The following SMCO4 variants were observed in gnomAD, a reference collection of about 807,000 sequenced individuals.
SMCO4 encodes single-pass membrane and coiled-coil domain-containing protein 4.
A neutral mutation model predicts 3.6 loss-of-function variants in SMCO4; 4 were observed. The ratio of observed to expected loss-of-function variants is 1.11; its 90% CI spans 0.54 to 2.53. The LOEUF is 2.53. Among genes scored for constraint, SMCO4 ranks in the 30% most tolerant of loss-of-function variants. The pLI, the probability that SMCO4 is intolerant of heterozygous loss-of-function variation, is 0.02. For missense variants in SMCO4, 70 were observed against 80.8 expected, an observed-to-expected ratio of 0.87 and a Z score of 0.51; for synonymous variants, 36 against 35.3, an observed-to-expected ratio of 1.02 and a Z score of -0.07.
intron 1 of SMCO4, among the ~76,000 whole-genome samples, chr11:93,499,736 G>A (rs1220409066): frequency 6.6e-6 from 1 of 152,186 alleles, no homozygotes; most frequent in East Asian, 1.9e-4. Context: ...TAAAAATGAA[G>A]GATACAGGTT....
intron 1 of SMCO4, among the ~76,000 whole-genome samples, chr11:93,532,470 A>G (rs959069472): frequency 7.2e-5 from 11 of 152,346 alleles, no homozygotes; most frequent in African/African-American, 2.6e-4. Context: ...TGAGGCTTTT[A>G]GACTTGGACG....
chr11:93,481,469 A>G lies in SMCO4; in HGVS notation c.-80-2200T>C, dbSNP rs1269937640. 9 of 985,436 alleles carry G rather than the reference A, an allele frequency of 9.1e-6. No homozygotes were observed. The East Asian group carries it at 5.7e-4, about 62-fold the overall frequency. 61.0% of individuals were successfully genotyped at this position (985,436 alleles called of 1,614,324 possible). On this transcript the variant is annotated intron_variant, in intron 2 of 2. Coordinates refer to ENST00000298966, the MANE Select transcript of SMCO4 (RefSeq NM_020179.3). ...TGGTGAGGATGGAGTAGGAAGCTGT[A>G]TAACTCAGGGCTTGGCACAGAGCGG...
chr11:93,519,856 A>G (rs1267543006), intron 1 of SMCO4, among the ~76,000 whole-genome samples: 1 of 152,168 alleles, frequency 6.6e-6, no homozygotes, highest in East Asian at 1.9e-4. Context: ...AATATCCCCT[A>G]TGTGTGAGGC....
chr11:93,497,108 T>G (rs926948047), intron 2 of SMCO4, among the ~76,000 whole-genome samples: 1 of 152,246 alleles, frequency 6.6e-6, no homozygotes, highest in Admixed American at 6.5e-5. Flanking sequence ...AGAAGCTGGT[T>G]TTTTATTATG....
chr11:93,517,666 T>C (rs1397400064), intron 1 of SMCO4, among the ~76,000 whole-genome samples: 2 of 152,184 alleles, frequency 1.3e-5, no homozygotes, highest in Non-Finnish European at 2.9e-5. Flanking sequence ...AAGCATTTTA[T>C]ATCCATTATC....
At chr11:93,484,449 T>C (rs969606626) in intron 2 of SMCO4, among the ~76,000 whole-genome samples, 1 of 152,296 alleles carries the variant, frequency 6.6e-6, no homozygotes, top group South Asian at 2.1e-4. Context: ...CTCTGCCCCA[T>C]CTGGTTAAAC....
At chr11:93,520,364 T>C (rs1189903552) in intron 1 of SMCO4, among the ~76,000 whole-genome samples, 1 of 152,166 alleles carries the variant, frequency 6.6e-6, no homozygotes, top group Non-Finnish European at 1.5e-5. Context: ...CATTGAGGGT[T>C]TTACATGTTA....
intron 1 of SMCO4, among the ~76,000 whole-genome samples, chr11:93,516,192 GA>G (rs1208230213): frequency 1.4e-4 from 21 of 152,062 alleles, no homozygotes; most frequent in African/African-American, 4.6e-4. Flanking sequence ...AAGAACACAG[GA>G]GACCAAGAAC....
At chr11:93,491,468 T>C (rs1948716893) in intron 2 of SMCO4, among the ~76,000 whole-genome samples, 1 of 152,212 alleles carries the variant, frequency 6.6e-6, no homozygotes. Context: ...TGGCTCTCAC[T>C]GATCCCTGAC....
chr11:93,508,945 T>C (rs1482815753), intron 1 of SMCO4, among the ~76,000 whole-genome samples: 1 of 152,066 alleles, frequency 6.6e-6, no homozygotes, highest in African/African-American at 2.4e-5. Flanking sequence ...AAAACTGGGT[T>C]ATACCAATTA....
intron 1 of SMCO4, among the ~76,000 whole-genome samples, chr11:93,512,473 T>C (rs1948966436): frequency 6.6e-6 from 1 of 152,198 alleles, no homozygotes; most frequent in Admixed American, 6.5e-5. Context: ...CAAAGCAGTT[T>C]CCAGTCCTGC....
At chr11:93,505,254 T>G (rs1414116230) in intron 1 of SMCO4, among the ~76,000 whole-genome samples, 2 of 152,232 alleles carry the variant, frequency 1.3e-5, no homozygotes, top group Admixed American at 1.3e-4. Flanking sequence ...GATTTAGCAC[T>G]GTCTACTTTC....
chr11:93,534,219 C>T (rs1470929792), intron 1 of SMCO4, among the ~76,000 whole-genome samples: 7 of 614 alleles, frequency 0.011, no homozygotes, highest in South Asian at 0.1. Flanking sequence ...TATATATACA[C>T]ACACACACAC....
chr11:93,517,298 T>C (rs1421203981), intron 1 of SMCO4, among the ~76,000 whole-genome samples: 2 of 152,156 alleles, frequency 1.3e-5, no homozygotes, highest in Admixed American at 6.5e-5. Context: ...ACTGCTGCCT[T>C]ACGACTGCCG....
chr11:93,513,710 T>C (rs1385550705), intron 1 of SMCO4, among the ~76,000 whole-genome samples: 3 of 152,008 alleles, frequency 2.0e-5, no homozygotes, highest in Non-Finnish European at 4.4e-5. Flanking sequence ...TGGGTGGAGG[T>C]GACAAAAGGA....
intron 1 of SMCO4, chr11:93,535,481 G>C: frequency 7.1e-7 from 1 of 1,407,716 alleles, no homozygotes; most frequent in East Asian, 2.3e-5. Flanking sequence ...GGTGTTGTTG[G>C]AGAGCGAGCA....
chr11:93,480,187 A>G (rs1948575394), intron 2 of SMCO4, among the ~76,000 whole-genome samples: 1 of 152,216 alleles, frequency 6.6e-6, no homozygotes, highest in Admixed American at 6.5e-5. Context: ...CATCTCACTG[A>G]TTCCCAGAAA....
intron 1 of SMCO4, among the ~76,000 whole-genome samples, chr11:93,542,557 A>T (rs1036645045): frequency 4.6e-5 from 7 of 152,130 alleles, no homozygotes; most frequent in Non-Finnish European, 8.8e-5. Context: ...GAGGGGCGGT[A>T]GTCGGCCCCA....
chr11:93,494,959 C>A (rs1449028246), intron 2 of SMCO4, among the ~76,000 whole-genome samples: 3 of 152,130 alleles, frequency 2.0e-5, no homozygotes, highest in Non-Finnish European at 4.4e-5. Flanking sequence ...AACTCCCACC[C>A]CACCGTGCCC....
Sources: allele counts gnomAD v4.1 joint callset (sites outside exome capture counted in the v4.1 genomes callset), GRCh38; gene constraint gnomAD v4.1.1; transcripts MANE v1.5; gene names NCBI Gene and HGNC (gene_info 2026-07-23, HGNC 2026-07-21).